Variants in RGL1 observed in about 807,000 individuals in gnomAD.
RGL1 encodes ral guanine nucleotide dissociation stimulator like 1.
RGL1 carries 24 observed loss-of-function variants against 95.2 expected under a neutral mutation model. That is an observed-to-expected ratio of 0.25 (90% CI 0.18 to 0.35). The LOEUF is 0.35. Ranked by LOEUF, RGL1 falls within the 10% of genes least tolerant of loss-of-function variation. The pLI, the probability that RGL1 is intolerant of heterozygous loss-of-function variation, is 1.00. For missense variants in RGL1, 715 were observed against 936.3 expected, an observed-to-expected ratio of 0.76 and a Z score of 3.08; for synonymous variants, 329 against 344.9, an observed-to-expected ratio of 0.95 and a Z score of 0.51.
chr1:183,852,781 C>T (rs752731053), intron 3 of RGL1, among the ~76,000 whole-genome samples: 13 of 151,694 alleles, frequency 8.6e-5, no homozygotes, highest in Admixed American at 1.3e-4. Flanking sequence ...CCAGCCTGGG[C>T]GACACAGTAA....
chr1:183,919,661 C>T (rs888619428), intron 16 of RGL1, among the ~76,000 whole-genome samples: 2 of 152,120 alleles, frequency 1.3e-5, no homozygotes, highest in African/African-American at 2.4e-5. Context: ...TCCTCAGTGA[C>T]CATGGAAAAA....
chr1:183,729,206 G>A (rs1375307168), intron 1 of RGL1, among the ~76,000 whole-genome samples: 1 of 147,422 alleles, frequency 6.8e-6, no homozygotes, highest in Non-Finnish European at 1.5e-5. Flanking sequence ...GTGTGTGTGT[G>A]TATACTATTT....
At chr1:183,673,066 C>T (rs996142528) in intron 1 of RGL1, among the ~76,000 whole-genome samples, 1 of 151,886 alleles carries the variant, frequency 6.6e-6, no homozygotes, top group African/African-American at 2.4e-5. Context: ...AATTTTCCTG[C>T]ATATTAGATT....
intron 1 of RGL1, among the ~76,000 whole-genome samples, chr1:183,689,730 A>G (rs1419713374): frequency 6.6e-6 from 1 of 152,208 alleles, no homozygotes; most frequent in Non-Finnish European, 1.5e-5. Flanking sequence ...CAACTCATAA[A>G]GTTGTGATTC....
intron 2 of RGL1, among the ~76,000 whole-genome samples, chr1:183,839,773 T>C (rs1444322430): frequency 6.6e-6 from 1 of 152,174 alleles, no homozygotes; most frequent in Admixed American, 6.6e-5. Context: ...ATTCCTTCCC[T>C]CTGTCATATT....
chr1:183,687,042 C>T (rs745367361), intron 1 of RGL1, among the ~76,000 whole-genome samples: 3 of 152,220 alleles, frequency 2.0e-5, no homozygotes, highest in East Asian at 3.8e-4. Flanking sequence ...ATTCTAACTA[C>T]GTTTCCCTAA....
In RGL1 at chr1:183,891,733, G is replaced by GTTT. The variant is rs57974956; in HGVS notation, c.1056-319_1056-317dup. Among the ~76,000 whole-genome samples the GTTT allele has an allele frequency of 1.3e-3, 167 of 123,922 alleles. 1 individual carries two copies. The highest frequency in any genetic ancestry group is 1.9e-3 in the Non-Finnish European group (111 of 58,890). 81.3% of individuals were successfully genotyped at this position (123,922 alleles called of 152,430 possible). On this transcript the variant is annotated intron_variant, in intron 8 of 17. Coordinates refer to ENST00000360851, the MANE Select transcript of RGL1 (RefSeq NM_001297671.3). Reference sequence around the variant, plus strand: ...ATCTGTGGGCTCTGTGTGTGTAACAGTTTTTTTTTTTTTTTTTTTTTTTTT... The same window carrying GTTT: ...ATCTGTGGGCTCTGTGTGTGTAACAGTTTTTTTTTTTTTTTTTTTTTTTTTTTT...
chr1:183,743,643 T>TA (rs1657449376), intron 2 of RGL1, among the ~76,000 whole-genome samples: 1 of 152,226 alleles, frequency 6.6e-6, no homozygotes, highest in Non-Finnish European at 1.5e-5. Flanking sequence ...CCTTAATTGA[T>TA]AAAGACAAAT....
intron 6 of RGL1, 112 bp downstream of exon 6, chr1:183,884,022 C>T: frequency 8.8e-7 from 1 of 1,140,292 alleles, no homozygotes; most frequent in Non-Finnish European, 1.3e-6. Context: ...CTTCTTGAAT[C>T]CTTGAGACAG....
At chr1:183,643,740 C>T (rs74830762) in intron 1 of RGL1, among the ~76,000 whole-genome samples, 6 of 152,150 alleles carry the variant, frequency 3.9e-5, no homozygotes, top group South Asian at 4.1e-4. Flanking sequence ...CATGAACCAC[C>T]GTGCTTGGCC....
intron 15 of RGL1, among the ~76,000 whole-genome samples, chr1:183,915,233 G>C (rs892314130): frequency 1.3e-5 from 2 of 152,104 alleles, no homozygotes; most frequent in Non-Finnish European, 2.9e-5. Context: ...CCATGGAAAG[G>C]CAGATAAATA....
intron 1 of RGL1, among the ~76,000 whole-genome samples, chr1:183,714,946 G>C (rs1655519877): frequency 6.6e-6 from 1 of 152,114 alleles, no homozygotes; most frequent in Non-Finnish European, 1.5e-5. Context: ...AGGAAGCTTA[G>C]GTTCTGATTC....
chr1:183,856,329 GTTCTGTTATGTATA>G (rs906620916), intron 3 of RGL1, among the ~76,000 whole-genome samples: 11 of 151,544 alleles, frequency 7.3e-5, no homozygotes, highest in African/African-American at 2.4e-4. Context: ...ATATATATAT[GTTCTGTTATGTATA>G]TGACCCTCTC....
At chr1:183,681,507 G>T (rs1653210749) in intron 1 of RGL1, among the ~76,000 whole-genome samples, 2 of 152,198 alleles carry the variant, frequency 1.3e-5, no homozygotes, top group Non-Finnish European at 2.9e-5. Flanking sequence ...AGCCAGCCTT[G>T]CATCCCAGGG....
chr1:183,668,673 T>C (rs1013940924), intron 1 of RGL1, among the ~76,000 whole-genome samples: 32 of 152,194 alleles, frequency 2.1e-4, no homozygotes, highest in Admixed American at 1.9e-3. Flanking sequence ...ATAGTTTTTT[T>C]TGTTTTCTTT....
At chr1:183,910,925 T>C (rs1668608152) in intron 14 of RGL1, among the ~76,000 whole-genome samples, 1 of 152,274 alleles carries the variant, frequency 6.6e-6, no homozygotes, top group African/African-American at 2.4e-5. Context: ...ATTTGTTGGA[T>C]GAATAAGCAC....
At chr1:183,637,652 A>C (rs1183480259) in intron 1 of RGL1, among the ~76,000 whole-genome samples, 1 of 152,178 alleles carries the variant, frequency 6.6e-6, no homozygotes, top group African/African-American at 2.4e-5. Context: ...GGGAAGAAGC[A>C]ATGTGGTGTT....
intron 1 of RGL1, among the ~76,000 whole-genome samples, chr1:183,705,289 C>T (rs536675431): frequency 6.6e-6 from 1 of 151,756 alleles, no homozygotes; most frequent in Admixed American, 6.6e-5. Context: ...CTCGGGTTTG[C>T]GGGGTAAGAG....
intron 15 of RGL1, 137 bp from the exon 16 acceptor site, chr1:183,916,310 C>T (rs949381642): frequency 2.0e-6 from 2 of 1,018,558 alleles, no homozygotes; most frequent in Non-Finnish European, 1.5e-6. Context: ...AGGGATGAGA[C>T]ACATGTGTGC....
Sources: allele counts gnomAD v4.1 joint callset (sites outside exome capture counted in the v4.1 genomes callset), GRCh38; gene constraint gnomAD v4.1.1; transcripts MANE v1.5; gene names NCBI Gene and HGNC (gene_info 2026-07-23, HGNC 2026-07-21).